Variants in ACTR3B observed in about 807,000 individuals in gnomAD.
The protein encoded by ACTR3B is actin-related protein 3B.
Under a neutral mutation model 59.0 loss-of-function variants are expected in ACTR3B, and 8 were observed. That is an observed-to-expected ratio of 0.14 (90% CI 0.08 to 0.24). ACTR3B has a LOEUF of 0.24. Among genes scored for constraint, ACTR3B ranks in the 10% least tolerant of loss-of-function variants. The pLI, the probability that ACTR3B is intolerant of heterozygous loss-of-function variation, is 1.00. For synonymous variants in ACTR3B, 148 were observed against 197.9 expected, an observed-to-expected ratio of 0.75 and a Z score of 2.12; for missense variants, 245 against 552.3, an observed-to-expected ratio of 0.44 and a Z score of 5.58.
Position 152,854,531 on chromosome 7 carries a change from C to T in ACTR3B, c.1235C>T (p.Pro412Leu). 1 of 1,614,138 alleles carries T rather than the reference C, an allele frequency of 6.2e-7. No homozygotes were observed. Among genetic ancestry groups the T allele is most frequent in the Admixed American group, 1.7e-5 (1 of 60,020 alleles). The change falls in exon 12 of 12, where the codon CCC becomes CTC. Residue 412 changes from proline to leucine, a missense_variant. Pro to Leu is a moderately conservative substitution (Grantham distance 98, BLOSUM62 -3). This residue lies in a region of ACTR3B where 153 missense variants were observed against 266.2 expected (regional missense o/e 0.57). Transcript: ENST00000256001. The surrounding 1 kb of genome is among the most constrained non-coding windows in gnomAD (Gnocchi z 4.9). ...EYGPSICRHN[P>L]VFGVMS ...GGGCCCAGCATCTGCCGCCACAACC[C>T]CGTCTTTGGAGTCATGTCCTAGTGT...
At chr7:152,807,043 A>G (rs1481925316) in intron 4 of ACTR3B, among the ~76,000 whole-genome samples, 11 of 152,186 alleles carry the variant, frequency 7.2e-5, no homozygotes, top group African/African-American at 1.2e-4. Flanking sequence ...GATGTGCTGC[A>G]TCTCCTGCTT....
chr7:152,794,407 G>A (rs1228577330), intron 2 of ACTR3B, among the ~76,000 whole-genome samples: 5 of 151,966 alleles, frequency 3.3e-5, no homozygotes, highest in Non-Finnish European at 5.9e-5. Flanking sequence ...TAGTAGAGTT[G>A]TGGTTTCATC....
chr7:152,818,889 C>T (rs1433596191), intron 6 of ACTR3B, among the ~76,000 whole-genome samples: 2 of 152,050 alleles, frequency 1.3e-5, no homozygotes, highest in Non-Finnish European at 2.9e-5. Context: ...TTAATTTAAC[C>T]CTAGTTTTTT....
At chr7:152,771,997 A>G (rs2098125206) in intron 1 of ACTR3B, among the ~76,000 whole-genome samples, 1 of 152,134 alleles carries the variant, frequency 6.6e-6, no homozygotes, top group Non-Finnish European at 1.5e-5. Flanking sequence ...CCTGGGAGGC[A>G]GAGGTTGAGG....
chr7:152,817,971 G>A (rs563891247), intron 6 of ACTR3B, among the ~76,000 whole-genome samples: 4 of 152,188 alleles, frequency 2.6e-5, no homozygotes, highest in Admixed American at 6.5e-5. Flanking sequence ...TCCTGGCTAC[G>A]TGTCCTTCCT....
intron 1 of ACTR3B, among the ~76,000 whole-genome samples, chr7:152,774,364 G>A (rs1390953331): frequency 1.3e-5 from 2 of 152,142 alleles, no homozygotes; most frequent in Non-Finnish European, 2.9e-5. Flanking sequence ...TCGAACTCCC[G>A]ACCTCAGGTG....
intron 2 of ACTR3B, among the ~76,000 whole-genome samples, chr7:152,792,371 T>C (rs2116682489): frequency 1.3e-5 from 2 of 152,250 alleles, no homozygotes; most frequent in South Asian, 4.1e-4. Context: ...CTTGATGTAC[T>C]CAAATTCCTT....
intron 1 of ACTR3B, among the ~76,000 whole-genome samples, chr7:152,767,293 A>G (rs962219982): frequency 5.3e-5 from 8 of 152,092 alleles, no homozygotes; most frequent in African/African-American, 1.9e-4. Flanking sequence ...CATATGCTGC[A>G]TTTGTCTATG....
In ACTR3B at chr7:152,840,479, T is replaced by G. The variant is rs538701151; in HGVS notation, c.952-11647T>G. 2.4e-3 allele frequency among the ~76,000 whole-genome samples: 364 copies of G among 152,248 alleles called. 1 individual carries two copies. Among genetic ancestry groups the G allele is most frequent in the African/African-American group, 7.9e-3 (328 of 41,556 alleles). Reference sequence around the variant, plus strand: ...GCCCACGGGTGGGGGGTTTGCTGCTTCTTTCAGGCCCCAGCACCAGACAGC... The same window carrying G: ...GCCCACGGGTGGGGGGTTTGCTGCTGCTTTCAGGCCCCAGCACCAGACAGC... On this transcript the variant is annotated intron_variant, in intron 9 of 11. Transcript: ENST00000256001.
chr7:152,810,584 C>G (rs993983498), intron 4 of ACTR3B, among the ~76,000 whole-genome samples: 2 of 151,860 alleles, frequency 1.3e-5, no homozygotes, highest in Middle Eastern at 3.2e-3. Context: ...CAGGCACACA[C>G]CCGGCTACCA....
intron 7 of ACTR3B, among the ~76,000 whole-genome samples, chr7:152,820,864 G>A (rs71537943): frequency 3.3e-5 from 5 of 152,384 alleles, no homozygotes; most frequent in Admixed American, 1.3e-4. Context: ...TGGCTGTGAC[G>A]TGTGGCCATA....
chr7:152,812,375 A>G (rs1795339943), intron 4 of ACTR3B: 1 of 97,222 alleles, frequency 1.0e-5, no homozygotes, highest in African/African-American at 2.8e-5. Context: ...TTCATTGCTC[A>G]CTGTAAGTCT....
chr7:152,814,714 C>T (rs1255762068), intron 5 of ACTR3B, 69 bp downstream of exon 5: 6 of 1,286,790 alleles, frequency 4.7e-6, no homozygotes, highest in Admixed American at 4.3e-5. Flanking sequence ...ATGGTATTTC[C>T]CAAGGTTCTC....
Position 152,852,242 on chromosome 7 carries a change from G to A in ACTR3B, c.1068G>A (p.Gly356=). The A allele has an allele frequency of 6.2e-7, 1 of 1,612,918 alleles. No homozygotes were observed. The highest frequency in any genetic ancestry group is 8.5e-7 in the Non-Finnish European group (1 of 1,179,720). Residue 356 remains glycine, a synonymous_variant, in exon 10 of 12, where the codon GGG becomes GGA. Transcript: ENST00000256001. ...RLRLSEELSG[G]RIKPKPVEVQ... is the part of the protein sequence containing the mutation. ...GGCTCAGCGAGGAGCTCAGCGGCGG[G>A]AGGATCAAGGTAGGAGCCAGAGGCC...
At chr7:152,778,939 T>A (rs2098142935) in intron 1 of ACTR3B, among the ~76,000 whole-genome samples, 1 of 78,900 alleles carries the variant, frequency 1.3e-5, no homozygotes, top group African/African-American at 5.5e-5. Context: ...TGAGACTGTG[T>A]CTCCAAAAAA....
chr7:152,826,426 T>G (rs982727477), intron 9 of ACTR3B, among the ~76,000 whole-genome samples: 9 of 151,930 alleles, frequency 5.9e-5, no homozygotes, highest in Non-Finnish European at 1.5e-5. Context: ...TTTTTATAAT[T>G]AAAATTTTTT....
In ACTR3B at chr7:152,824,499, A is replaced by T. The variant is rs186511358; in HGVS notation, c.859-531A>T. On this transcript the variant is annotated intron_variant, in intron 8 of 11. Coordinates refer to ENST00000256001, the MANE Select transcript of ACTR3B (RefSeq NM_020445.6). The surrounding 1 kb of genome is among the most constrained non-coding windows in gnomAD (Gnocchi z 4.2). ...TTATTTAACTTATGGAATTGAATCT[A>T]TGGCTGTTTATTCAATAACATGATT... 1.3e-3 allele frequency among the ~76,000 whole-genome samples: 202 copies of T among 152,332 alleles called. No homozygotes were observed. Among genetic ancestry groups the T allele is most frequent in the African/African-American group, 4.7e-3 (194 of 41,576 alleles).
intron 9 of ACTR3B, among the ~76,000 whole-genome samples, chr7:152,851,692 C>T (rs1798819591): frequency 1.3e-5 from 2 of 152,214 alleles, no homozygotes; most frequent in Admixed American, 1.3e-4. Flanking sequence ...TGGATGCTTT[C>T]TTCCCAAGAT....
At chr7:152,810,791 A>G (rs1795168137) in intron 4 of ACTR3B, 2 of 151,416 alleles carry the variant, frequency 1.3e-5, no homozygotes, top group Non-Finnish European at 2.9e-5. Flanking sequence ...AATCCCAGCT[A>G]CTCTGGAGGC....
Sources: gnomAD v4.1 joint callset for allele counts (sites outside exome capture counted in the v4.1 genomes callset) on GRCh38, gnomAD v4.1.1 for gene constraint, gnomAD v4.1.1 regional missense constraint, Gnocchi (gnomAD v3.1) non-coding constraint, MANE v1.5 for transcripts, NCBI Gene and HGNC (gene_info 2026-07-23, HGNC 2026-07-21) for gene names.